DMPK: variants seen among roughly 807,000 people sequenced by gnomAD.
DMPK encodes DM1 protein kinase.
A neutral mutation model predicts 70.3 loss-of-function variants in DMPK; 32 were observed. The observed-to-expected ratio is 0.46, with a 90% CI of 0.34 to 0.61. The LOEUF is 0.61. Among genes scored for constraint, DMPK ranks in the 20% least tolerant of loss-of-function variants. The pLI, the probability that DMPK is intolerant of heterozygous loss-of-function variation, is 0.01. For synonymous variants in DMPK, 469 were observed against 390.9 expected, an observed-to-expected ratio of 1.20 and a Z score of -2.36; for missense variants, 899 against 886.0, an observed-to-expected ratio of 1.01 and a Z score of -0.19.
chr19:45,781,458 T>C (rs1970112258), intron 1 of DMPK, among the ~76,000 whole-genome samples: 1 of 150,256 alleles, frequency 6.7e-6, no homozygotes, highest in Non-Finnish European at 1.5e-5. Context: ...CCAGGAGAAC[T>C]AAAGGACGCA....
chr19:45,774,584 C>T (rs1045089316), intron 9 of DMPK, among the ~76,000 whole-genome samples: 1 of 152,082 alleles, frequency 6.6e-6, no homozygotes, highest in Non-Finnish European at 1.5e-5. Flanking sequence ...TTTAAATGGC[C>T]TTATTGTTAT....
intron 1 of DMPK, among the ~76,000 whole-genome samples, chr19:45,781,520 G>A (rs1442523026): frequency 6.6e-6 from 1 of 151,992 alleles, no homozygotes; most frequent in Non-Finnish European, 1.5e-5. Context: ...CATAGGAACC[G>A]AGACTTTGGG....
In DMPK at chr19:45,782,225, T is replaced by C. The variant is rs1970163413; in HGVS notation, c.128A>G (p.Gln43Arg). The C allele has an allele frequency of 6.3e-7, 1 of 1,582,536 alleles. No individual in the cohort carries two copies. The change falls in exon 1 of 15, where the codon CAG becomes CGG. Residue 43 changes from glutamine to arginine, a missense_variant. Coordinates refer to ENST00000291270, the MANE Select transcript of DMPK (RefSeq NM_004409.5). ...CAAGAAGTCGGCCACGTACTTGTCC[T>C]GGGCCAGTTCGGAGGCGCCCAGCTC... The part of the protein sequence containing the change: ...HQELGASELA[Q>R]DKYVADFLQW...
At chr19:45,779,037 TA>T in intron 4 of DMPK, 1 of 600,388 alleles carries the variant, frequency 1.7e-6, no homozygotes, top group Non-Finnish European at 3.0e-6. Flanking sequence ...GACATCTTTA[TA>T]AGAGTCCCCC....
intron 5 of DMPK, 85 bp from the exon 6 acceptor site, chr19:45,778,305 C>T (rs971461112): frequency 1.4e-5 from 20 of 1,424,564 alleles, no homozygotes; most frequent in Non-Finnish European, 1.8e-5. Context: ...GCAGTGCCAC[C>T]TGGGACCCCA....
At position 45,771,685 on chromosome 19, in the gene DMPK, G is replaced by A. The variant is rs144064078; in HGVS notation, c.1503-20C>T. 2.5e-6 allele frequency: 4 copies of A among 1,613,488 alleles called. No individual in the cohort carries two copies. The Admixed American group carries it at 6.7e-5, about 27-fold the overall frequency. ...AGTTGACTGTGGGGAGGTAAGGACG[G>A]TGAGTCCGTCCGGGCCGGACGAGAG... On this transcript the variant is annotated intron_variant, in intron 11 of 14. Coordinates refer to ENST00000291270, the MANE Select transcript of DMPK (RefSeq NM_004409.5).
Position 45,772,674 on chromosome 19 carries a change from G to A in DMPK, c.1311C>T (p.Ser437=). Residue 437 remains serine (S), a synonymous_variant, in exon 10 of 15, where the codon AGC becomes AGT. Coordinates refer to ENST00000291270, the MANE Select transcript of DMPK (RefSeq NM_004409.5). ...CCTGTGGGGACACCGAGGGCTCCAGGCTGGGCGCTTGCACGTGTGGCTCAA... is the reference window on the plus strand; with the variant it reads ...CCTGTGGGGACACCGAGGGCTCCAGACTGGGCGCTTGCACGTGTGGCTCAA... ...QLLEPHVQAP[S]LEPSVSPQDE... 2 of 1,534,794 alleles carry A rather than the reference G, an allele frequency of 1.3e-6. No individual in the cohort carries two copies. Among genetic ancestry groups the A allele is most frequent in the East Asian group, 2.6e-5 (1 of 38,232 alleles).
rs376285684 is a variant in DMPK at position 45,770,538 on chromosome 19, C to T, written c.1840G>A (p.Gly614Ser). Reference sequence around the variant, plus strand: ...CGGCGCCAGACTGCGGTGAGTTGGCCGGCGTGGGCCACCAACCCAATGCAG... The same window carrying T: ...CGGCGCCAGACTGCGGTGAGTTGGCTGGCGTGGGCCACCAACCCAATGCAG... ...LGCIGLVAHA[G>S]QLTAVWRRPG... is the part of the protein sequence containing the mutation. The change falls in exon 15 of 15, where the codon GGC becomes AGC. Residue 614 changes from glycine (G) to serine (S), a missense_variant. Gly to Ser is a moderately conservative substitution (Grantham distance 56, BLOSUM62 0). Around this residue, in one of 3 missense-constraint regions of DMPK, gnomAD observed 555 missense variants for 483.8 expected, o/e 1.15. Transcript: ENST00000291270. 3.4e-5 allele frequency: 52 copies of T among 1,550,698 alleles called. No individual in the cohort carries two copies. In the African/African-American group the frequency reaches 6.4e-4, roughly 19 times the overall value.
rs916448731 is a variant in DMPK, at chr19:45,777,978, C to A, written c.676-105G>T. The A allele has an allele frequency of 5.5e-6, 7 of 1,274,536 alleles. No individual in the cohort carries two copies. Among genetic ancestry groups the A allele is most frequent in the Non-Finnish European group, 7.7e-6 (7 of 911,568 alleles). 79.0% of individuals were successfully genotyped at this position (1,274,536 alleles called of 1,614,324 possible). On this transcript the variant is annotated intron_variant, in intron 6 of 14. Coordinates refer to ENST00000291270, the MANE Select transcript of DMPK (RefSeq NM_004409.5). This position sits in a 1 kb window ranked among gnomAD's most constrained non-coding sequence, Gnocchi z 6.7. ...CCAAATGCTTAGCCCCTCCCTCTGC[C>A]TGGTCTAATACTCCGCCACACAGAT...
intron 6 of DMPK, 91 bp downstream of exon 6, chr19:45,778,036 T>C (rs1969878620): frequency 7.7e-7 from 1 of 1,292,536 alleles, no homozygotes; most frequent in Admixed American, 2.0e-5. Flanking sequence ...CCACCTCTTT[T>C]CCCCTCCAAA....
intron 11 of DMPK, 33 bp from the exon 12 acceptor site, chr19:45,771,698 G>A (rs1461345211): frequency 6.2e-7 from 1 of 1,612,820 alleles, no homozygotes; most frequent in Non-Finnish European, 8.5e-7. Flanking sequence ...AGTCCGTCCG[G>A]GCCGGACGAG....
chr19:45,782,076 G>A (rs1970149052), intron 1 of DMPK, 117 bp downstream of exon 1: 4 of 961,756 alleles, frequency 4.2e-6, no homozygotes, highest in South Asian at 3.6e-5. Flanking sequence ...AGGATGGGAG[G>A]ATCTCCCCAT....
chr19:45,782,302 C>T lies in DMPK; in HGVS notation c.51G>A (p.Pro17=), dbSNP rs759061105. The part of the protein sequence containing the change: ...LRRLQQLVLD[P]GFLGLEPLLD... ...GCAGGGGCTCCAGCCCCAGGAAGCC[C>T]GGGTCCAACACCAGCTGCTGGAGCC... The change falls in exon 1 of 15, where the codon CCG becomes CCA. Residue 17 remains proline (P), a synonymous_variant. Transcript: ENST00000291270. The T allele has an allele frequency of 1.2e-5, 19 of 1,593,582 alleles. No individual in the cohort carries two copies. Among genetic ancestry groups the T allele is most frequent in the East Asian group, 2.3e-5 (1 of 43,750 alleles).
rs78164767 is a variant in DMPK, at chr19:45,776,333, T to G, written c.1146+994A>C. Among the ~76,000 whole-genome samples the G allele has an allele frequency of 1.9e-4, 9 of 46,944 alleles. 1 individual carries two copies. Among genetic ancestry groups the G allele is most frequent in the Non-Finnish European group, 4.4e-4 (9 of 20,678 alleles). 30.8% of individuals were successfully genotyped at this position (46,944 alleles called of 152,430 possible). On this transcript the variant is annotated intron_variant, in intron 8 of 14. Coordinates refer to ENST00000291270, the MANE Select transcript of DMPK (RefSeq NM_004409.5). The stretch of plus-strand genomic sequence containing the variant: ...TAATTTTTTGTATTTTTAGGAGAGA[T>G]GGGGTTTCACCGTGTTAGCCAAGAT...
Position 45,770,460 on chromosome 19 carries a change from G to A in DMPK, c.*28C>T, listed in dbSNP as rs1969315308. 6.5e-7 allele frequency: 1 copy of A among 1,549,176 alleles called. No individual in the cohort carries two copies. The highest frequency in any genetic ancestry group is 8.7e-7 in the Non-Finnish European group (1 of 1,146,642). ...CCCGGGCACTCAGTCTTCCAACGGG[G>A]CCCCGGAGTCGAAGACAGTTCTAGG... On this transcript the variant is annotated 3_prime_UTR_variant, in exon 15 of 15. Transcript: ENST00000291270.
At position 45,771,018 on chromosome 19, in the gene DMPK, C is replaced by T. The variant is rs1304768977; in HGVS notation, c.1690G>A (p.Val564Met). 1 of 1,478,142 alleles carries T rather than the reference C, an allele frequency of 6.8e-7. No homozygotes were observed. The highest frequency in any genetic ancestry group is 1.4e-5 in the South Asian group (1 of 73,956). The allele number at this position is 1,478,142 out of a possible 1,614,324, so 91.6% of individuals were successfully genotyped here. A position where few individuals can be genotyped will look rare whatever the true frequency, so the allele number is the denominator to read the frequency against. The change falls in exon 14 of 15, where the codon GTG (valine) becomes ATG (methionine). Residue 564 changes from valine (V) to methionine (M), a missense_variant. Physicochemically the swap from Val to Met is conservative, Grantham distance 21. Coordinates refer to ENST00000291270, the MANE Select transcript of DMPK (RefSeq NM_004409.5). ...CGGCGGTGCATGGGGCCTGGCCCCACCAGCGGGCACTGGCCCACAGCCACG... is the reference window on the plus strand; with the variant it reads ...CGGCGGTGCATGGGGCCTGGCCCCATCAGCGGGCACTGGCCCACAGCCACG... ...PAVAVGQCPL[V>M]GPGPMHRRHL...
chr19:45,782,164 C>T (rs764878781), intron 1 of DMPK, 29 bp downstream of exon 1: 1 of 1,330,868 alleles, frequency 7.5e-7, no homozygotes, highest in South Asian at 1.4e-5. Flanking sequence ...CCCACCCCAT[C>T]TGCAGGAGCC....
intron 6 of DMPK, 23 bp downstream of exon 6, chr19:45,778,104 C>CT: frequency 6.3e-7 from 1 of 1,589,026 alleles, no homozygotes; most frequent in South Asian, 1.1e-5. Flanking sequence ...CCCAGTTGCT[C>CT]TGTGGCCAGG....
chr19:45,770,484 G>C lies in DMPK; in HGVS notation c.*4C>G, dbSNP rs201009043. ...GGCCCCGGAGTCGAAGACAGTTCTA[G>C]GGTTCAGGGAGCGCGGGCGGCTCCT... On this transcript the variant is annotated 3_prime_UTR_variant, in exon 15 of 15. Transcript: ENST00000291270. The C allele has an allele frequency of 1.9e-6, 3 of 1,550,244 alleles. No homozygotes were observed. Among genetic ancestry groups the C allele is most frequent in the Non-Finnish European group, 2.6e-6 (3 of 1,146,786 alleles).
Sources: gnomAD v4.1 joint callset for allele counts (sites outside exome capture counted in the v4.1 genomes callset) on GRCh38, gnomAD v4.1.1 for gene constraint, gnomAD v4.1.1 regional missense constraint, Gnocchi (gnomAD v3.1) non-coding constraint, MANE v1.5 for transcripts, NCBI Gene and HGNC (gene_info 2026-07-23, HGNC 2026-07-21) for gene names.